The following GRIP1 variants were observed in gnomAD, a reference collection of about 807,000 sequenced individuals.
The protein encoded by GRIP1 is glutamate receptor interacting protein 1.
Under a neutral mutation model 129.9 loss-of-function variants are expected in GRIP1, and 45 were observed. The ratio of observed to expected loss-of-function variants is 0.35; its 90% confidence interval spans 0.27 to 0.44. The LOEUF is 0.44. GRIP1 is among the 20% of genes least tolerant of loss of function. The pLI, the probability that GRIP1 is intolerant of heterozygous loss-of-function variation, is 1.00. For synonymous variants in GRIP1, 530 were observed against 520.8 expected, an observed-to-expected ratio of 1.02 and a Z score of -0.24; for missense variants, 1,196 against 1,396.8, an observed-to-expected ratio of 0.86 and a Z score of 2.29.
At chr12:66,640,176 C>T (rs184082394) in intron 1 of GRIP1, among the ~76,000 whole-genome samples, 155 of 152,254 alleles carry the variant, frequency 1.0e-3, no homozygotes, top group African/African-American at 3.6e-3. Context: ...CTTTCTACAC[C>T]GTAGTATAAT....
rs150356980 is a variant in GRIP1, at chr12:67,049,048, C to T, written c.58+20002G>A. Among the ~76,000 whole-genome samples, 932 of 152,128 alleles carry T rather than the reference C, an allele frequency of 6.1e-3. 10 individuals are homozygous for T. Among genetic ancestry groups the T allele is most frequent in the African/African-American group, 0.02 (845 of 41,524 alleles). On this transcript the variant is annotated intron_variant, in intron 1 of 1. Transcript: ENST00000643019. ...ACTATGCTGCCCAGGCTGGTCTCAA[C>T]ACCTGGCCTCAAGCAATCCTCCCAC... is the stretch of plus-strand genomic sequence containing the variant.
chr12:66,912,899 T>C (rs2041054501), intron 1 of GRIP1, among the ~76,000 whole-genome samples: 2 of 152,126 alleles, frequency 1.3e-5, no homozygotes, highest in South Asian at 2.1e-4. Flanking sequence ...TTACAGGATA[T>C]AGATGGAAGT....
At chr12:67,023,153 T>C (rs1215932960) in intron 1 of GRIP1, among the ~76,000 whole-genome samples, 1 of 152,176 alleles carries the variant, frequency 6.6e-6, no homozygotes, top group African/African-American at 2.4e-5. Context: ...ATTCATTAAT[T>C]TGTGTGTGTT....
chr12:67,019,922 A>C (rs2042840692), intron 1 of GRIP1, among the ~76,000 whole-genome samples: 1 of 152,182 alleles, frequency 6.6e-6, no homozygotes, highest in Admixed American at 6.6e-5. Flanking sequence ...TTAATACCTC[A>C]AAAGTTAAGA....
intron 1 of GRIP1, among the ~76,000 whole-genome samples, chr12:66,786,540 A>T (rs1193666316): frequency 6.6e-6 from 1 of 152,194 alleles, no homozygotes; most frequent in Non-Finnish European, 1.5e-5. Flanking sequence ...TCATCCTCAG[A>T]CACTGACTAT....
At chr12:66,623,861 C>A (rs10878472) in intron 1 of GRIP1, among the ~76,000 whole-genome samples, 30,116 of 152,036 alleles carry the variant, frequency 0.2, 3,099 homozygotes, top group Non-Finnish European at 0.23. Flanking sequence ...TTTAGCTGGT[C>A]GTAGCTCCAC....
chr12:66,935,739 A>G (rs2041472658), intron 1 of GRIP1, among the ~76,000 whole-genome samples: 1 of 152,166 alleles, frequency 6.6e-6, no homozygotes, highest in African/African-American at 2.4e-5. Flanking sequence ...ACGTACAGGA[A>G]TCGGAAGTGA....
chr12:66,478,764 C>A (rs1418087029), intron 7 of GRIP1, among the ~76,000 whole-genome samples: 1 of 152,040 alleles, frequency 6.6e-6, no homozygotes, highest in Admixed American at 6.6e-5. Flanking sequence ...TCATTCTCAG[C>A]AAACTATCAC....
chr12:66,957,334 A>T (rs2041857392), intron 1 of GRIP1, among the ~76,000 whole-genome samples: 1 of 152,038 alleles, frequency 6.6e-6, no homozygotes, highest in Non-Finnish European at 1.5e-5. Flanking sequence ...CAGACTTGTC[A>T]CAATTATAAT....
rs199703179 is a variant in GRIP1, at chr12:66,588,965, TC to T, written c.136+7881del. Reference sequence around the variant, plus strand: ...GCCTGGGTGACACAGCAAGACCGTGTCCCCCTCCTACAAAAAAAAAAATTAA... The same window carrying T: ...GCCTGGGTGACACAGCAAGACCGTGTCCCCTCCTACAAAAAAAAAAATTAA... On this transcript the variant is annotated intron_variant, in intron 2 of 24. Transcript: ENST00000359742. Among the ~76,000 whole-genome samples, 1,119 of 141,172 alleles carry T rather than the reference TC, an allele frequency of 7.9e-3. 9 individuals are homozygous for T. The highest frequency in any genetic ancestry group is 0.018 in the Middle Eastern group (5 of 274). 92.6% of individuals were successfully genotyped at this position (141,172 alleles called of 152,430 possible). A position where few individuals can be genotyped will look rare whatever the true frequency, so the allele number is the denominator to read the frequency against.
At chr12:67,006,825 A>C (rs775854146) in intron 1 of GRIP1, among the ~76,000 whole-genome samples, 3 of 152,222 alleles carry the variant, frequency 2.0e-5, no homozygotes, top group African/African-American at 4.8e-5. Context: ...AAAGTCATAA[A>C]GACAATCTGT....
Position 67,037,517 on chromosome 12 carries a change from G to A in GRIP1, c.58+31533C>T, listed in dbSNP as rs192155068. 8.0e-4 allele frequency: 122 copies of A among 151,938 alleles called. 1 individual carries two copies. The highest frequency in any genetic ancestry group is 2.9e-3 in the African/African-American group (121 of 41,474). 9.4% of individuals were successfully genotyped at this position (151,938 alleles called of 1,614,324 possible). On this transcript the variant is annotated intron_variant, in intron 1 of 1. Coordinates refer to the GRIP1 transcript ENST00000643019. ...GCTGTAAAAAAAATAAATTATTTAA[G>A]CTTTTAGATTTTGAATAAATAGAAC...
rs544484682 is a variant in GRIP1, at chr12:66,500,827, G to C, written c.724+14792C>G. On this transcript the variant is annotated intron_variant, in intron 7 of 24. Coordinates refer to ENST00000359742, the MANE Select transcript of GRIP1 (RefSeq NM_001366722.1). ...ACTGCTACCAATAGAATGTCTTCAG[G>C]TAGTAAGAACTAGGTGTTACAGAAA... 7.2e-5 allele frequency among the ~76,000 whole-genome samples: 11 copies of C among 152,272 alleles called. No individual in the cohort carries two copies. The South Asian group carries it at 2.3e-3, about 32-fold the overall frequency.
At chr12:66,857,632 G>A (rs1236869250) in intron 1 of GRIP1, among the ~76,000 whole-genome samples, 2 of 151,854 alleles carry the variant, frequency 1.3e-5, no homozygotes, top group Non-Finnish European at 2.9e-5. Flanking sequence ...TAAGTTAAGT[G>A]CTGGGTATTT....
intron 1 of GRIP1, among the ~76,000 whole-genome samples, chr12:66,813,559 G>C (rs1291202211): frequency 6.6e-6 from 1 of 152,194 alleles, no homozygotes; most frequent in Non-Finnish European, 1.5e-5. Flanking sequence ...TGAATGGGGA[G>C]AGCTGAGAAA....
At chr12:66,496,163 G>A (rs548062327) in intron 7 of GRIP1, among the ~76,000 whole-genome samples, 1 of 152,064 alleles carries the variant, frequency 6.6e-6, no homozygotes, top group Non-Finnish European at 1.5e-5. Flanking sequence ...ATGTAGTCTC[G>A]ATACTTAGCT....
intron 1 of GRIP1, among the ~76,000 whole-genome samples, chr12:66,861,474 T>C (rs968394660): frequency 2.0e-5 from 3 of 152,138 alleles, no homozygotes; most frequent in Non-Finnish European, 4.4e-5. Flanking sequence ...CACTGGCTTG[T>C]TCAGAAAGAA....
At chr12:66,579,271 A>G (rs2063275369) in intron 2 of GRIP1, among the ~76,000 whole-genome samples, 1 of 152,196 alleles carries the variant, frequency 6.6e-6, no homozygotes, top group Non-Finnish European at 1.5e-5. Context: ...CATCACCATC[A>G]TCAAAGACCA....
chr12:67,068,920 G>T, intron 1 of GRIP1: 1 of 162,828 alleles, frequency 6.1e-6, no homozygotes, highest in Non-Finnish European at 1.0e-5. Flanking sequence ...TCGCCCGCGG[G>T]CCCTGAGGGC....
Sources: allele counts gnomAD v4.1 joint callset (sites outside exome capture counted in the v4.1 genomes callset), GRCh38; gene constraint gnomAD v4.1.1; transcripts MANE v1.5; gene names NCBI Gene and HGNC (gene_info 2026-07-23, HGNC 2026-07-21).